ZNF234: variants seen among roughly 807,000 people sequenced by gnomAD.
ZNF234 encodes the protein zinc finger protein 234.
A neutral mutation model predicts 10.3 loss-of-function variants in ZNF234; 4 were observed. That is an observed-to-expected ratio of 0.39 (90% CI 0.19 to 0.89). The LOEUF is 0.89. Among genes scored for constraint, ZNF234 ranks in the 40% least tolerant of loss-of-function variants. The probability of loss-of-function intolerance (pLI) is 0.38; values close to 1 mark genes in which losing one functional copy is unlikely to be tolerated. For synonymous variants in ZNF234, 258 were observed against 280.1 expected (o/e 0.92, Z 0.79); for missense variants, 711 against 836.1 (o/e 0.85, Z 1.85).
intron 4 of ZNF234, among the ~76,000 whole-genome samples, chr19:44,149,609 A>G (rs1464499654): frequency 2.0e-5 from 3 of 152,310 alleles, no homozygotes; most frequent in South Asian, 2.1e-4. Context: ...AATAAGCAAA[A>G]GAAGAAAGCT....
Position 44,156,390 on chromosome 19 carries a change from C to T in ZNF234, c.374C>T (p.Pro125Leu), listed in dbSNP as rs1351372005. The T allele has an allele frequency of 6.2e-7, 1 of 1,613,462 alleles. No homozygotes were observed. Reference protein sequence around the residue: ...EDSMISISRFPRQGDLSCQVR... With the variant: ...EDSMISISRFLRQGDLSCQVR... ...TCTATGATAAGTATTTCTCGGTTCC[C>T]CAGACAAGGTGATTTGTCCTGCCAG... The change falls in exon 6 of 6, where the codon CCC becomes CTC. Residue 125 changes from proline to leucine, a missense_variant. Transcript: ENST00000426739.
rs1280691058 is a variant in ZNF234, at chr19:44,158,487, A to AC, written c.*371dup. The AC allele has an allele frequency of 3.6e-6, 1 of 278,770 alleles. No homozygotes were observed. The highest frequency in any genetic ancestry group is 7.0e-6 in the Non-Finnish European group (1 of 143,306). 17.3% of individuals were successfully genotyped at this position (278,770 alleles called of 1,614,324 possible). A position where few individuals can be genotyped will look rare whatever the true frequency, so the allele number is the denominator to read the frequency against. On this transcript the variant is annotated 3_prime_UTR_variant, in exon 6 of 6. Transcript: ENST00000426739. ...TCAAACTCCTGACCTCATGTGATCC[A>AC]CCCACCTCGGCCTCCCAAAGTGCTG...
chr19:44,147,263 G>T (rs1968621397), intron 3 of ZNF234, among the ~76,000 whole-genome samples: 1 of 151,786 alleles, frequency 6.6e-6, no homozygotes, highest in Non-Finnish European at 1.5e-5. Flanking sequence ...TTGGGACGGG[G>T]TCTCACTCTG....
chr19:44,144,591 C>T lies in ZNF234; in HGVS notation c.-42C>T, dbSNP rs772587352. The T allele has an allele frequency of 2.7e-6, 4 of 1,500,326 alleles. No individual in the cohort carries two copies. The Admixed American group carries it at 8.0e-5, about 30-fold the overall frequency. The allele number at this position is 1,500,326 out of a possible 1,614,324, so 92.9% of individuals were successfully genotyped here. On this transcript the variant is annotated 5_prime_UTR_variant, in exon 3 of 6. Coordinates refer to ENST00000426739, the MANE Select transcript of ZNF234 (RefSeq NM_006630.3). ...CACGATTCTGCCTTCTCTCAAATGG[C>T]ATAACTCAGGACTCTGCAAATTCCC...
At chr19:44,153,165 C>CATGTATATATATATATAT (rs1968786976) in intron 5 of ZNF234, among the ~76,000 whole-genome samples, 3 of 97,890 alleles carry the variant, frequency 3.1e-5, no homozygotes, top group African/African-American at 1.3e-4. Context: ...ATGTATTCAT[C>CATGTATATATATATATAT]ATATATATAT....
intron 3 of ZNF234, among the ~76,000 whole-genome samples, chr19:44,147,291 C>G (rs1255024420): frequency 6.6e-6 from 1 of 151,976 alleles, no homozygotes; most frequent in East Asian, 1.9e-4. Context: ...GACTAGAGTA[C>G]AGTGGTGTGA....
At position 44,156,370 on chromosome 19, in the gene ZNF234, GATAA is replaced by G; in HGVS notation, c.355_358del (p.Ile119ValfsTer109). The G allele has an allele frequency of 6.2e-7, 1 of 1,613,632 alleles. No individual in the cohort carries two copies. Among genetic ancestry groups the G allele is most frequent in the Non-Finnish European group, 8.5e-7 (1 of 1,179,734 alleles). On this transcript the variant is annotated frameshift_variant, in exon 6 of 6. Coordinates refer to ENST00000426739, the MANE Select transcript of ZNF234 (RefSeq NM_006630.3). LOFTEE classifies it low-confidence loss of function (END_TRUNC). ...ATTTAATCAAGTATGAAGACTCTAT[GATAA>G]GTATTTCTCGGTTCCCCAGACAAGG...
intron 3 of ZNF234, among the ~76,000 whole-genome samples, chr19:44,145,055 G>T (rs149093676): frequency 1.4e-4 from 22 of 152,216 alleles, no homozygotes; most frequent in African/African-American, 5.1e-4. Flanking sequence ...GTATCCTCAG[G>T]GGTCCTTGAA....
At chr19:44,146,909 G>A (rs1227046453) in intron 3 of ZNF234, among the ~76,000 whole-genome samples, 11 of 148,740 alleles carry the variant, frequency 7.4e-5, no homozygotes, top group South Asian at 2.1e-4. Flanking sequence ...TATGCCTCCC[G>A]GGTTCAAGTG....
intron 4 of ZNF234, 64 bp downstream of exon 4, chr19:44,148,961 G>A (rs763833829): frequency 5.8e-6 from 9 of 1,540,854 alleles, no homozygotes; most frequent in Non-Finnish European, 7.9e-6. Flanking sequence ...GTCTTCAGGG[G>A]TTCAACACTT....
At position 44,157,195 on chromosome 19, in the gene ZNF234, C is replaced by T; in HGVS notation, c.1179C>T (p.Val393=). The change falls in exon 6 of 6, where the codon GTC becomes GTT. Residue 393 remains valine (V), a synonymous_variant. Transcript: ENST00000426739. ...CAAGTTTTCAGGCCCATCAGGGAGTCCACACTGGAGAGAAGCCATACAAAT... is the reference window on the plus strand; with the variant it reads ...CAAGTTTTCAGGCCCATCAGGGAGTTCACACTGGAGAGAAGCCATACAAAT... ...YSSSFQAHQG[V]HTGEKPYKCN... 5 of 1,614,160 alleles carry T rather than the reference C, an allele frequency of 3.1e-6. No homozygotes were observed. The South Asian group carries it at 4.4e-5, about 14-fold the overall frequency.
At chr19:44,150,273 C>A in intron 4 of ZNF234, 140 bp from the exon 5 acceptor site, 1 of 540,626 alleles carries the variant, frequency 1.8e-6, no homozygotes, top group Non-Finnish European at 3.1e-6. Context: ...ACTGATATTT[C>A]TTCATTAGGT....
chr19:44,146,731 A>G (rs995296728), intron 3 of ZNF234, among the ~76,000 whole-genome samples: 1 of 152,144 alleles, frequency 6.6e-6, no homozygotes, highest in Non-Finnish European at 1.5e-5. Context: ...TAGATTATCA[A>G]AACCATTGGA....
At chr19:44,148,601 A>G in intron 3 of ZNF234, 170 bp from the exon 4 acceptor site, 3 of 921,862 alleles carry the variant, frequency 3.3e-6, no homozygotes, top group Non-Finnish European at 5.3e-6. Flanking sequence ...GACACTAAGG[A>G]AAATCAAAGT....
chr19:44,142,521 G>C (rs1394931792), intron 2 of ZNF234, among the ~76,000 whole-genome samples, 154 bp downstream of exon 2: 1 of 152,234 alleles, frequency 6.6e-6, no homozygotes, highest in East Asian at 1.9e-4. Context: ...ACGTGACTCT[G>C]TGGAGAGGTA....
At chr19:44,147,606 A>T (rs1465488751) in intron 3 of ZNF234, among the ~76,000 whole-genome samples, 2 of 152,160 alleles carry the variant, frequency 1.3e-5, no homozygotes, top group African/African-American at 2.4e-5. Flanking sequence ...TAATCCCAGA[A>T]CTTTGGGAGG....
rs188064720 is a variant in ZNF234 at position 44,148,991 on chromosome 19, G to A, written c.142+94G>A. 109 of 1,442,754 alleles carry A rather than the reference G, an allele frequency of 7.6e-5. 1 individual carries two copies. The Middle Eastern group carries it at 9.2e-4, about 12-fold the overall frequency. 89.4% of individuals were successfully genotyped at this position (1,442,754 alleles called of 1,614,324 possible). ...ACACTTTGGAGGTCTTGAATTAGTCGCCTACATTTGTAGACCTGACTTTCC... is the reference window on the plus strand; with the variant it reads ...ACACTTTGGAGGTCTTGAATTAGTCACCTACATTTGTAGACCTGACTTTCC... On this transcript the variant is annotated intron_variant, in intron 4 of 5. Transcript: ENST00000426739.
chr19:44,156,406 G>T lies in ZNF234; in HGVS notation c.390G>T (p.Leu130Phe), dbSNP rs151243299. The T allele has an allele frequency of 6.1e-3, 9,809 of 1,613,592 alleles. 75 individuals are homozygous for T. The highest frequency in any genetic ancestry group is 5.4e-3 in the Non-Finnish European group (6,353 of 1,179,748). ...CTCGGTTCCCCAGACAAGGTGATTT[G>T]TCCTGCCAGGTTAGGGCAGGACTAT... ...SISRFPRQGD[L>F]SCQVRAGLYT... The change falls in exon 6 of 6, where the codon TTG becomes TTT. Residue 130 changes from leucine (L) to phenylalanine (F), a missense_variant. Transcript: ENST00000426739.
Position 44,156,753 on chromosome 19 carries a change from C to G in ZNF234, c.737C>G (p.Thr246Arg). The G allele has an allele frequency of 6.2e-7, 1 of 1,613,620 alleles. No individual in the cohort carries two copies. ...GGGAAAGGCTTCAGTCGTAGATCAA[C>G]ACTTACTGTACATTGCAAATTACAC... ...ECGKGFSRRSTLTVHCKLHSG... is the reference protein window; with the variant it reads ...ECGKGFSRRSRLTVHCKLHSG... The change falls in exon 6 of 6, where the codon ACA becomes AGA. Residue 246 changes from threonine (T) to arginine (R), a missense_variant. Thr to Arg is a moderately conservative substitution (Grantham distance 71). Coordinates refer to ENST00000426739, the MANE Select transcript of ZNF234 (RefSeq NM_006630.3).
Sources: gnomAD v4.1 joint callset for allele counts (sites outside exome capture counted in the v4.1 genomes callset) on GRCh38, gnomAD v4.1.1 for gene constraint, MANE v1.5 for transcripts, NCBI Gene and HGNC (gene_info 2026-07-23, HGNC 2026-07-21) for gene names.